Variants in SLC6A8 observed in about 807,000 individuals in gnomAD.
SLC6A8 encodes sodium- and chloride-dependent creatine transporter 1.
Under a neutral mutation model 48.3 loss-of-function variants are expected in SLC6A8, and 6 were observed. That is an observed-to-expected ratio of 0.12 (90% confidence interval 0.07 to 0.25). SLC6A8 has a LOEUF of 0.25. Ranked by LOEUF, SLC6A8 falls within the 10% of genes least tolerant of loss-of-function variation. The pLI, the probability that SLC6A8 is intolerant of heterozygous loss-of-function variation, is 1.00. For synonymous variants in SLC6A8, 245 were observed against 244.0 expected, an observed-to-expected ratio of 1.00 and a Z score of -0.04; for missense variants, 260 against 551.5, an observed-to-expected ratio of 0.47 and a Z score of 5.29.
chrX:153,688,770 G>A lies in SLC6A8; in HGVS notation c.196G>A (p.Val66Met). ...CCAGATGGACTTCATCATGTCGTGC[G>A]TGGGCTTCGCCGTGGGCTTGGGCAA... is the stretch of plus-strand genomic sequence containing the variant. ...TRQMDFIMSC[V>M]GFAVGLGNVW... Residue 66 changes from valine to methionine, a missense_variant, in exon 1 of 13, where the codon GTG (valine) becomes ATG (methionine). By Grantham distance (21) the Val-to-Met change is conservative. This residue lies in a region of SLC6A8 where 24 missense variants were observed against 52.0 expected (regional missense o/e 0.46). Coordinates refer to ENST00000253122, the MANE Select transcript of SLC6A8 (RefSeq NM_005629.4). The A allele has an allele frequency of 8.8e-7, 1 of 1,138,029 alleles. No individual in the cohort carries two copies. 93.8% of individuals were successfully genotyped at this position (1,138,029 alleles called of 1,213,427 possible). A position where few individuals can be genotyped will look rare whatever the true frequency, so the allele number is the denominator to read the frequency against.
At chrX:153,689,268 C>T (rs1215313745) in intron 1 of SLC6A8, among the ~76,000 whole-genome samples, 2 of 100,589 alleles carry the variant, frequency 2.0e-5, no homozygotes, top group Non-Finnish European at 3.9e-5. Context: ...TCTGTCCCTC[C>T]CCCTGCCCTC....
chrX:153,694,836 G>A lies in SLC6A8; in HGVS notation c.1714G>A (p.Val572Met), dbSNP rs2872524. ...WAFALSSMLC[V>M]PLHLLGCLLR... ...CTTCGCCCTGTCCTCCATGCTGTGC[G>A]TGCCGCTGCACCTCCTGGGCTGCCT... Residue 572 changes from valine to methionine, a missense_variant, in exon 12 of 13, where the codon GTG becomes ATG. Val to Met is a conservative substitution (Grantham distance 21). Transcript: ENST00000253122. 43 of 1,208,763 alleles carry A rather than the reference G, an allele frequency of 3.6e-5. No homozygotes were observed. Among genetic ancestry groups the A allele is most frequent in the Non-Finnish European group, 3.7e-5 (33 of 894,244 alleles).
chrX:153,691,021 A>T (rs1413903203), intron 2 of SLC6A8: 1 of 324,311 alleles, frequency 3.1e-6, no homozygotes, highest in Non-Finnish European at 5.6e-6. Context: ...GGCCAGGTGT[A>T]TGAGGCTGGA....
intron 12 of SLC6A8, 29 bp from the exon 13 acceptor site, chrX:153,695,045 G>A (rs781954963): frequency 3.4e-6 from 4 of 1,187,749 alleles, no homozygotes; most frequent in African/African-American, 1.8e-5. Flanking sequence ...GTGACCCTGG[G>A]GGCTTCAGCA....
At chrX:153,694,953 C>G (rs2091481168) in intron 12 of SLC6A8, 64 bp downstream of exon 12, 2 of 1,073,983 alleles carry the variant, frequency 1.9e-6, no homozygotes, top group East Asian at 7.5e-5. Context: ...AGCCTGCTTC[C>G]TAGCCAGGGA....
At position 153,694,552 on chromosome X, in the gene SLC6A8, C is replaced by T. The variant is rs151335200; in HGVS notation, c.1515C>T (p.Asp505=). Residue 505 remains aspartate (D), a synonymous_variant, in exon 11 of 13, where the codon GAC becomes GAT. Transcript: ENST00000253122. ...CCGCAGGAGCTGACCGCTTCATGGA[C>T]GACATTGCCTGTATGATCGGGTACC... is the stretch of plus-strand genomic sequence containing the variant. ...AWVYGADRFM[D]DIACMIGYRP... is the part of the protein sequence containing the mutation. The T allele has an allele frequency of 1.7e-5, 21 of 1,207,155 alleles. No homozygotes were observed. The highest frequency in any genetic ancestry group is 8.8e-5 in the African/African-American group (5 of 56,520).
At chrX:153,691,239 A>T (rs188717449) in intron 2 of SLC6A8, 65 bp from the exon 3 acceptor site, 16 of 1,140,143 alleles carry the variant, frequency 1.4e-5, no homozygotes, top group Admixed American at 7.8e-5. Context: ...GGGTGGGGAC[A>T]TAAAGGGGTG....
intron 4 of SLC6A8, chrX:153,692,440 T>G (rs782318735): frequency 1.8e-4 from 66 of 358,611 alleles, no homozygotes; most frequent in Admixed American, 4.6e-4. Context: ...GAGCAGAGTC[T>G]GGCCACATCC....
rs370972254 is a variant in SLC6A8 at position 153,693,605 on chromosome X, C to T, written c.1141+19C>T. On this transcript the variant is annotated intron_variant, in intron 7 of 12. Transcript: ENST00000253122. ...GAGTCAGGTAGGGCCCTACCCCCAG[C>T]CCCGCCTCCAGAGCAGCGAGTGCTA... 6 of 1,205,039 alleles carry T rather than the reference C, an allele frequency of 5.0e-6. No homozygotes were observed. The highest frequency in any genetic ancestry group is 1.7e-5 in the African/African-American group (1 of 57,364).
At chrX:153,692,819 C>T (rs147633559) in intron 4 of SLC6A8, 8,411 of 494,115 alleles carry the variant, frequency 0.017, 91 homozygotes, top group Middle Eastern at 0.099. Flanking sequence ...CACCGACACG[C>T]GTCCCTGCAG....
At chrX:153,693,389 C>G (rs1557045081) in intron 6 of SLC6A8, 23 bp downstream of exon 6, 2 of 1,205,550 alleles carry the variant, frequency 1.7e-6, no homozygotes, top group East Asian at 3.0e-5. Context: ...GCCCTGCCAC[C>G]CGTGCCCTGT....
At chrX:153,690,556 C>G in intron 2 of SLC6A8, 50 bp downstream of exon 2, 1 of 1,146,394 alleles carries the variant, frequency 8.7e-7, no homozygotes, top group Non-Finnish European at 1.2e-6. Context: ...TCCCAGCTGG[C>G]TCCCACTTGA....
At chrX:153,689,929 G>A (rs1225632357) in intron 1 of SLC6A8, among the ~76,000 whole-genome samples, 2 of 112,715 alleles carry the variant, frequency 1.8e-5, no homozygotes, top group Non-Finnish European at 3.8e-5. Context: ...AAGCGTCCAA[G>A]GGCAGGACAG....
intron 6 of SLC6A8, 35 bp downstream of exon 6, chrX:153,693,401 C>T: frequency 8.3e-7 from 1 of 1,207,158 alleles, no homozygotes; most frequent in Non-Finnish European, 1.1e-6. Context: ...GTGCCCTGTC[C>T]TGCCCTGCCC....
In SLC6A8 at chrX:153,696,410, CCACGTTTGTCTGT is replaced by C. The variant is rs1235657912; in HGVS notation, c.*1202_*1214del. 6.1e-6 allele frequency: 2 copies of C among 330,278 alleles called. No homozygotes were observed. The highest frequency in any genetic ancestry group is 3.1e-5 in the Admixed American group (1 of 32,163). 27.2% of individuals were successfully genotyped at this position (330,278 alleles called of 1,213,427 possible). A position where few individuals can be genotyped will look rare whatever the true frequency, so the allele number is the denominator to read the frequency against. ...CAGTCTTCTGTGTAGCAGCTTTAAC[CCACGTTTGTCTGT>C]CACGTCCAGTCCCGAGACGGCTGAG... On this transcript the variant is annotated 3_prime_UTR_variant, in exon 13 of 13. Coordinates refer to ENST00000253122, the MANE Select transcript of SLC6A8 (RefSeq NM_005629.4).
chrX:153,692,726 C>T, intron 4 of SLC6A8: 1 of 398,366 alleles, frequency 2.5e-6, no homozygotes, highest in Admixed American at 2.9e-5. Context: ...GCACTGCCCA[C>T]ACACTCATAC....
chrX:153,691,243 A>C, intron 2 of SLC6A8, 61 bp from the exon 3 acceptor site: 1 of 1,142,725 alleles, frequency 8.8e-7, no homozygotes, highest in Non-Finnish European at 1.2e-6. Context: ...GGGGACATAA[A>C]GGGGTGGCAG....
intron 3 of SLC6A8, among the ~76,000 whole-genome samples, chrX:153,691,761 C>A (rs1162251139): frequency 2.7e-5 from 3 of 112,978 alleles, no homozygotes. Flanking sequence ...GTCACTCCCC[C>A]CTGATGGGGG....
intron 1 of SLC6A8, among the ~76,000 whole-genome samples, chrX:153,689,942 G>C (rs1232216951): frequency 8.9e-6 from 1 of 112,561 alleles, no homozygotes; most frequent in African/African-American, 3.2e-5. Flanking sequence ...CAGGACAGTC[G>C]CGCTCCCTGC....
Sources: gnomAD v4.1 joint callset for allele counts (sites outside exome capture counted in the v4.1 genomes callset) on GRCh38, gnomAD v4.1.1 for gene constraint, gnomAD v4.1.1 regional missense constraint, MANE v1.5 for transcripts, NCBI Gene and HGNC (gene_info 2026-07-23, HGNC 2026-07-21) for gene names.